The following IGSF22 variants were observed in gnomAD, a reference collection of about 807,000 sequenced individuals.
IGSF22 encodes immunoglobulin superfamily, member 22.
Under a neutral mutation model 127.0 loss-of-function variants are expected in IGSF22, and 119 were observed. The observed-to-expected ratio is 0.94, with a 90% CI of 0.81 to 1.09. The LOEUF (loss-of-function observed/expected upper bound fraction) is 1.09, where lower values mean the gene tolerates loss of function less well. IGSF22 is among the 50% of genes least tolerant of loss of function. The pLI is 0.00. For synonymous variants in IGSF22, 568 were observed against 664.7 expected (o/e 0.85, Z 2.24); for missense variants, 1,518 against 1,716.6 (o/e 0.88, Z 2.04).
rs1848616558 is a variant in IGSF22 at position 18,724,185 on chromosome 11, A to G, written c.52T>C (p.Phe18Leu). 1 of 1,612,712 alleles carries G rather than the reference A, an allele frequency of 6.2e-7. No individual in the cohort carries two copies. Among genetic ancestry groups the G allele is most frequent in the Non-Finnish European group, 8.5e-7 (1 of 1,179,388 alleles). Residue 18 changes from phenylalanine to leucine, a missense_variant, in exon 2 of 23, where the codon TTC becomes CTC. Physicochemically the swap from Phe to Leu is conservative, Grantham distance 22. This residue lies in a region of IGSF22 where 1,456 missense variants were observed against 1,644.9 expected (regional missense o/e 0.89). Transcript: ENST00000513874. Reference sequence around the variant, plus strand: ...TGCACGTGGGTGGTGGAGCTGGAGAACTCCATGGACACGTGCTCCTGCAGC... The same window carrying G: ...TGCACGTGGGTGGTGGAGCTGGAGAGCTCCATGGACACGTGCTCCTGCAGC... ...QMLQEHVSME[F>L]SSSTTHVQTF...
chr11:18,720,120 G>C lies in IGSF22; in HGVS notation c.479-17C>G. 6.2e-7 allele frequency: 1 copy of C among 1,614,138 alleles called. No homozygotes were observed. Among genetic ancestry groups the C allele is most frequent in the Non-Finnish European group, 8.5e-7 (1 of 1,179,974 alleles). ...TCTCTTGACCTGAGGATAGACAGAG[G>C]GACAGGTTCAGACAGGGGGAGTCTG... On this transcript the variant is annotated splice_polypyrimidine_tract_variant and intron_variant, in intron 5 of 22. Transcript: ENST00000513874.
At chr11:18,706,865 C>T (rs1307961133) in intron 21 of IGSF22, 49 bp downstream of exon 21, 11 of 1,401,374 alleles carry the variant, frequency 7.8e-6, no homozygotes, top group South Asian at 1.5e-5. Context: ...ATGTCATCCC[C>T]ACCATCAGGG....
intron 22 of IGSF22, chr11:18,705,550 TGAAGGCA>T: frequency 2.0e-6 from 1 of 500,492 alleles, no homozygotes. Context: ...ATCTTTTTTC[TGAAGGCA>T]GGTCTAGGCT....
In IGSF22 at chr11:18,704,410, G is replaced by T; in HGVS notation, c.*58C>A. 8.4e-7 allele frequency: 1 copy of T among 1,185,678 alleles called. No homozygotes were observed. The highest frequency in any genetic ancestry group is 1.2e-6 in the Non-Finnish European group (1 of 813,822). The allele number at this position is 1,185,678 out of a possible 1,614,324, so 73.4% of individuals were successfully genotyped here. ...GCTTCCTACACTGGGCCATGCAGAG[G>T]ACAGGCCAAGAAACTCCACATCATA... On this transcript the variant is annotated 3_prime_UTR_variant, in exon 23 of 23. Coordinates refer to ENST00000513874, the MANE Select transcript of IGSF22 (RefSeq NM_173588.4).
chr11:18,720,139 G>A (rs1564875835), intron 5 of IGSF22, 36 bp from the exon 6 acceptor site: 1 of 1,613,746 alleles, frequency 6.2e-7, no homozygotes, highest in South Asian at 1.1e-5. Flanking sequence ...CAGACAGGGG[G>A]AGTCTGGTCC....
intron 8 of IGSF22, 51 bp from the exon 9 acceptor site, chr11:18,718,144 T>C (rs1848497188): frequency 6.3e-7 from 1 of 1,575,940 alleles, no homozygotes. Flanking sequence ...AGGAGGAAGC[T>C]TCCAGAGGTC....
At position 18,718,667 on chromosome 11, in the gene IGSF22, A is replaced by G. The variant is rs773965600; in HGVS notation, c.758T>C (p.Phe253Ser). 2 of 1,613,986 alleles carry G rather than the reference A, an allele frequency of 1.2e-6. No individual in the cohort carries two copies. Among genetic ancestry groups the G allele is most frequent in the Non-Finnish European group, 8.5e-7 (1 of 1,179,842 alleles). ...GTCTTTCAGTTCCATTATGCAGTCA[A>G]AGACCACTGTGGTGTCAACCTTGGT... is the stretch of plus-strand genomic sequence containing the variant. ...KETKVDTTVVFDCIMELKDPN... is the reference protein window; with the variant it reads ...KETKVDTTVVSDCIMELKDPN... Residue 253 changes from phenylalanine to serine, a missense_variant, in exon 8 of 23, where the codon TTT becomes TCT. Physicochemically the swap from Phe to Ser is radical, Grantham distance 155. Transcript: ENST00000513874.
chr11:18,709,775 C>A lies in IGSF22; in HGVS notation c.2702-92G>T. The A allele has an allele frequency of 7.8e-7, 1 of 1,289,800 alleles. No individual in the cohort carries two copies. The highest frequency in any genetic ancestry group is 1.1e-6 in the Non-Finnish European group (1 of 935,206). The allele number at this position is 1,289,800 out of a possible 1,614,324, so 79.9% of individuals were successfully genotyped here. Reference sequence around the variant, plus strand: ...CACACTCAATACTCCTGAACCCCATCCTTCACTACTTCTAGCTCCAGATCC... The same window carrying A: ...CACACTCAATACTCCTGAACCCCATACTTCACTACTTCTAGCTCCAGATCC... On this transcript the variant is annotated intron_variant, in intron 17 of 22. Coordinates refer to ENST00000513874, the MANE Select transcript of IGSF22 (RefSeq NM_173588.4). The surrounding 1 kb of genome is among the most constrained non-coding windows in gnomAD (Gnocchi z 4.8).
In IGSF22 at chr11:18,709,370, CCT is replaced by C. The variant is rs1848307598; in HGVS notation, c.2998+15_2998+16del. 1.2e-6 allele frequency: 2 copies of C among 1,610,288 alleles called. No homozygotes were observed. The highest frequency in any genetic ancestry group is 8.5e-7 in the Non-Finnish European group (1 of 1,177,762). ...ACAATGTTGGGCATGAATCCCCAGCCCTCTCTGTGTCCTCACCTGGTGGTGGC... is the reference window on the plus strand; with the variant it reads ...ACAATGTTGGGCATGAATCCCCAGCCCTCTGTGTCCTCACCTGGTGGTGGC... On this transcript the variant is annotated intron_variant, in intron 18 of 22. Coordinates refer to ENST00000513874, the MANE Select transcript of IGSF22 (RefSeq NM_173588.4). The surrounding 1 kb of genome is among the most constrained non-coding windows in gnomAD (Gnocchi z 4.8).
rs1227345255 is a variant in IGSF22 at position 18,707,041 on chromosome 11, G to A, written c.3453C>T (p.Ser1151=). 1 of 1,551,570 alleles carries A rather than the reference G, an allele frequency of 6.4e-7. No homozygotes were observed. Among genetic ancestry groups the A allele is most frequent in the African/African-American group, 1.4e-5 (1 of 73,054 alleles). Residue 1151 remains serine (S), a synonymous_variant, in exon 21 of 23, where the codon AGC becomes AGT. Transcript: ENST00000513874. Reference sequence around the variant, plus strand: ...GCAGCCCCGTCACTGTGTACTTGTTGCTGAAGACACGCTCGGCTGCCGTGT... The same window carrying A: ...GCAGCCCCGTCACTGTGTACTTGTTACTGAAGACACGCTCGGCTGCCGTGT... ...TWYTAAERVF[S]NKYTVTGLLP...
Position 18,706,931 on chromosome 11 carries a change from A to G in IGSF22, c.3563T>C (p.Leu1188Pro). ...AGACTCACTCTGGTCCTTATTGATGAGCCAGGTGTCCCTGGAGTCAAGTGG... is the reference window on the plus strand; with the variant it reads ...AGACTCACTCTGGTCCTTATTGATGGGCCAGGTGTCCCTGGAGTCAAGTGG... ...SEPLDSRDTW[L>P]INKDQIQDLS... The change falls in exon 21 of 23, where the codon CTC becomes CCC. Residue 1188 changes from leucine to proline, a missense_variant. Coordinates refer to ENST00000513874, the MANE Select transcript of IGSF22 (RefSeq NM_173588.4). 6.6e-7 allele frequency: 1 copy of G among 1,512,758 alleles called. No individual in the cohort carries two copies. The highest frequency in any genetic ancestry group is 8.9e-7 in the Non-Finnish European group (1 of 1,126,062). 93.7% of individuals were successfully genotyped at this position (1,512,758 alleles called of 1,614,324 possible).
rs1848314168 is a variant in IGSF22, at chr11:18,709,635, G to A, written c.2750C>T (p.Ser917Phe). ...QDLHVSDSSN[S>F]SISLAWREPA... Reference sequence around the variant, plus strand: ...CTCCCGCCAGGCCAGGGAAATGCTGGAGTTGGAGGAATCAGATACATGCAG... The same window carrying A: ...CTCCCGCCAGGCCAGGGAAATGCTGAAGTTGGAGGAATCAGATACATGCAG... Residue 917 changes from serine to phenylalanine, a missense_variant, in exon 18 of 23, where the codon TCC becomes TTC. Transcript: ENST00000513874. This position sits in a 1 kb window ranked among gnomAD's most constrained non-coding sequence, Gnocchi z 4.8. The A allele has an allele frequency of 6.2e-7, 1 of 1,614,124 alleles. No homozygotes were observed. The highest frequency in any genetic ancestry group is 8.5e-7 in the Non-Finnish European group (1 of 1,180,026).
At chr11:18,721,336 G>C (rs1848567636) in intron 4 of IGSF22, among the ~76,000 whole-genome samples, 199 bp downstream of exon 4, 1 of 152,208 alleles carries the variant, frequency 6.6e-6, no homozygotes. Context: ...TGGGTCCTCT[G>C]CTCATTCCGG....
At chr11:18,711,143 A>T (rs1322329190) in intron 15 of IGSF22, among the ~76,000 whole-genome samples, 1 of 139,508 alleles carries the variant, frequency 7.2e-6, no homozygotes, top group African/African-American at 2.6e-5. Flanking sequence ...TGAAAACAAA[A>T]CAAAAAAAAA....
At chr11:18,705,794 G>A in intron 22 of IGSF22, 23 bp downstream of exon 22, 1 of 1,520,686 alleles carries the variant, frequency 6.6e-7, no homozygotes. Flanking sequence ...CCTCCTCGAG[G>A]CCGGACCCCG....
rs745693020 is a variant in IGSF22 at position 18,707,840 on chromosome 11, C to A, written c.3244G>T (p.Gly1082Ter). The change falls in exon 20 of 23, where the codon GGA becomes TGA. Residue 1082 changes from glycine to a stop codon, truncating the protein, a stop_gained. Transcript: ENST00000513874. LOFTEE classifies it high-confidence loss of function. ...VYRILLQNEF[G>*]EARYDIHVRV... ...ACATGGATGTCATAGCGTGCTTCTCCAAACTCATTCTGAAGCAAGATTCGG... is the reference window on the plus strand; with the variant it reads ...ACATGGATGTCATAGCGTGCTTCTCAAAACTCATTCTGAAGCAAGATTCGG... 3 of 1,611,396 alleles carry A rather than the reference C, an allele frequency of 1.9e-6. No homozygotes were observed.
At chr11:18,710,238 G>A (rs1057051178) in intron 17 of IGSF22, 89 bp downstream of exon 17, 52 of 1,530,538 alleles carry the variant, frequency 3.4e-5, no homozygotes, top group African/African-American at 1.5e-4. Flanking sequence ...GTGATACCTC[G>A]TGTCATACTT....
rs1564866759 is a variant in IGSF22, at chr11:18,706,968, C to A, written c.3526G>T (p.Gly1176Cys). 23 of 1,541,524 alleles carry A rather than the reference C, an allele frequency of 1.5e-5. No individual in the cohort carries two copies. Among genetic ancestry groups the A allele is most frequent in the Non-Finnish European group, 1.9e-5 (22 of 1,141,208 alleles). Residue 1176 changes from glycine (G) to cysteine (C), a missense_variant, in exon 21 of 23, where the codon GGT becomes TGT. Gly to Cys is a radical substitution (Grantham distance 159). Coordinates refer to ENST00000513874, the MANE Select transcript of IGSF22 (RefSeq NM_173588.4). ...YFRVVARNEI[G>C]DSEPLDSRDT... Reference sequence around the variant, plus strand: ...CTGGAGTCAAGTGGCTCACTGTCACCGATTTCATTCCGAGCCACCACTCTG... The same window carrying A: ...CTGGAGTCAAGTGGCTCACTGTCACAGATTTCATTCCGAGCCACCACTCTG...
rs968612490 is a variant in IGSF22, at chr11:18,706,971, T to G, written c.3523A>C (p.Ile1175Leu). 1 of 1,543,798 alleles carries G rather than the reference T, an allele frequency of 6.5e-7. No individual in the cohort carries two copies. ...GAGTCAAGTGGCTCACTGTCACCGA[T>G]TTCATTCCGAGCCACCACTCTGAAG... is the stretch of plus-strand genomic sequence containing the variant. ...YYFRVVARNE[I>L]GDSEPLDSRD... is the part of the protein sequence containing the mutation. The change falls in exon 21 of 23, where the codon ATC (isoleucine) becomes CTC (leucine). Residue 1175 changes from isoleucine to leucine, a missense_variant. Transcript: ENST00000513874.
Sources: allele counts gnomAD v4.1 joint callset (sites outside exome capture counted in the v4.1 genomes callset), GRCh38; gene constraint gnomAD v4.1.1; regional missense constraint gnomAD v4.1.1; non-coding constraint Gnocchi (gnomAD v3.1); transcripts MANE v1.5; gene names NCBI Gene and HGNC (gene_info 2026-07-23, HGNC 2026-07-21).